Variants in LILRA2 observed in about 807,000 individuals in gnomAD.
LILRA2 encodes the protein leukocyte immunoglobulin like receptor A2.
Under a neutral mutation model 47.9 loss-of-function variants are expected in LILRA2, and 45 were observed. The ratio of observed to expected loss-of-function variants is 0.94; its 90% CI spans 0.74 to 1.20. The LOEUF (loss-of-function observed/expected upper bound fraction) is 1.20, where lower values mean the gene tolerates loss of function less well. Ranked by LOEUF, LILRA2 falls within the 50% of genes most tolerant of loss-of-function variation. LILRA2 has a pLI of 0.00. For synonymous variants in LILRA2, 279 were observed against 249.2 expected (o/e 1.12, Z -1.13); for missense variants, 651 against 598.2 (o/e 1.09, Z -0.92).
At chr19:54,586,043 A>G (rs750083459) in intron 6 of LILRA2, among the ~76,000 whole-genome samples, 1 of 152,072 alleles carries the variant, frequency 6.6e-6, no homozygotes, top group Non-Finnish European at 1.5e-5. Context: ...AATTTCTGGT[A>G]CAATTTTAGA....
At chr19:54,577,785 C>G (rs1261959333) in intron 6 of LILRA2, 2 of 1,048,054 alleles carry the variant, frequency 1.9e-6, no homozygotes, top group East Asian at 1.6e-4. Context: ...TCTGTATGCA[C>G]TTGTCCTTTG....
chr19:54,585,067 C>T (rs542959232), intron 6 of LILRA2, among the ~76,000 whole-genome samples: 7 of 152,168 alleles, frequency 4.6e-5, no homozygotes, highest in Non-Finnish European at 8.8e-5. Flanking sequence ...TGCTGGAGGT[C>T]CAGTCCAGCC....
intron 6 of LILRA2, among the ~76,000 whole-genome samples, chr19:54,582,697 T>C (rs1226459039): frequency 6.6e-6 from 1 of 152,204 alleles, no homozygotes; most frequent in East Asian, 1.9e-4. Flanking sequence ...TAGCGGTCTA[T>C]CAATTTTGTT....
At chr19:54,580,142 AT>A (rs1249152215) in intron 6 of LILRA2, among the ~76,000 whole-genome samples, 1 of 148,318 alleles carries the variant, frequency 6.7e-6, no homozygotes, top group African/African-American at 2.5e-5. Flanking sequence ...TTCCAACACT[AT>A]GTTGAATAGG....
Position 54,574,470 on chromosome 19 carries a change from C to G in LILRA2, c.240C>G (p.Gly80=). ...GGATACAAGAGCCTGGGAAGAATGG[C>G]CAGTTCCCCATCCCATCCATCACCT... ...VRRIQEPGKN[G]QFPIPSITWE... Residue 80 remains glycine, a synonymous_variant, in exon 3 of 8, where the codon GGC becomes GGG. Transcript: ENST00000391738. 6.2e-7 allele frequency: 1 copy of G among 1,614,126 alleles called. No homozygotes were observed. Among genetic ancestry groups the G allele is most frequent in the Non-Finnish European group, 8.5e-7 (1 of 1,180,006 alleles).
At chr19:54,585,038 C>T (rs2062756071) in intron 6 of LILRA2, among the ~76,000 whole-genome samples, 1 of 152,228 alleles carries the variant, frequency 6.6e-6, no homozygotes, top group South Asian at 2.1e-4. Context: ...GACCCCTCAG[C>T]AGCAGGTCTG....
At chr19:54,579,152 C>T (rs963905228) in intron 6 of LILRA2, among the ~76,000 whole-genome samples, 1 of 152,128 alleles carries the variant, frequency 6.6e-6, no homozygotes, top group East Asian at 1.9e-4. Context: ...GGTGCCATTG[C>T]TTGTGGTGTT....
chr19:54,577,617 G>A, intron 6 of LILRA2: 2 of 1,289,734 alleles, frequency 1.6e-6, no homozygotes, highest in South Asian at 1.2e-5. Context: ...CACCCCAGCT[G>A]TGGGTGCCGC....
At position 54,574,725 on chromosome 19, in the gene LILRA2, T is replaced by C. The variant is rs551295349; in HGVS notation, c.353-6T>C. 1.9e-6 allele frequency: 3 copies of C among 1,613,858 alleles called. No homozygotes were observed. The African/African-American group carries it at 4.0e-5, about 21-fold the overall frequency. On this transcript the variant is annotated splice_polypyrimidine_tract_variant and splice_region_variant and intron_variant, in intron 3 of 7. Coordinates refer to ENST00000391738, the MANE Select transcript of LILRA2 (RefSeq NM_001130917.3). ...CCATTTAACACAGTGCCTCCTTCTC[T>C]CCTAGGAGCCTACAGCAAACCCACC...
At position 54,575,312 on chromosome 19, in the gene LILRA2, G is replaced by T. The variant is rs139468214; in HGVS notation, c.712G>T (p.Glu238Ter). ...VQPGPMVAPG[E>*]SLTLQCVSDV... Reference sequence around the variant, plus strand: ...GCCAGGTCCTATGGTGGCCCCTGGGGAGAGCCTGACCCTCCAGTGTGTCTC... The same window carrying T: ...GCCAGGTCCTATGGTGGCCCCTGGGTAGAGCCTGACCCTCCAGTGTGTCTC... The change falls in exon 5 of 8, where the codon GAG becomes TAG. Residue 238 changes from glutamate to a stop codon, truncating the protein, a stop_gained. Transcript: ENST00000391738. LOFTEE classifies it high-confidence loss of function. 23 of 1,613,922 alleles carry T rather than the reference G, an allele frequency of 1.4e-5. No homozygotes were observed. In the Admixed American group the frequency reaches 2.8e-4, roughly 20 times the overall value.
chr19:54,574,446 G>A lies in LILRA2; in HGVS notation c.216G>A (p.Arg72=). Residue 72 remains arginine, a synonymous_variant, in exon 3 of 8, where the codon CGG becomes CGA. Coordinates refer to ENST00000391738, the MANE Select transcript of LILRA2 (RefSeq NM_001130917.3). ...RENKSASWVR[R]IQEPGKNGQF... is the part of the protein sequence containing the mutation. ...ACAAATCAGCATCCTGGGTTAGACG[G>A]ATACAAGAGCCTGGGAAGAATGGCC... 2 of 1,614,080 alleles carry A rather than the reference G, an allele frequency of 1.2e-6. No individual in the cohort carries two copies. Among genetic ancestry groups the A allele is most frequent in the Admixed American group, 1.7e-5 (1 of 60,030 alleles).
At position 54,586,875 on chromosome 19, in the gene LILRA2, AC is replaced by A. The variant is rs374556105; in HGVS notation, c.1256-132del. On this transcript the variant is annotated intron_variant, in intron 6 of 7. Transcript: ENST00000391738. The stretch of plus-strand genomic sequence containing the variant: ...TAATTCAATGAGGAGACTGGAGGGA[AC>A]CCTGCTACAGCAGAGGAAGGGTTTA... The A allele has an allele frequency of 6.8e-3, 3,980 of 584,736 alleles. No homozygotes were observed. The South Asian group carries it at 0.072, about 11-fold the overall frequency. The allele number at this position is 584,736 out of a possible 1,614,324, so 36.2% of individuals were successfully genotyped here.
At chr19:54,574,271 C>G (rs763505527) in intron 2 of LILRA2, 30 bp from the exon 3 acceptor site, 5 of 1,613,886 alleles carry the variant, frequency 3.1e-6, no homozygotes, top group Middle Eastern at 1.7e-4. Flanking sequence ...TGGGAAATGA[C>G]TTAGAATCCG....
At chr19:54,578,019 C>T (rs891189906) in intron 6 of LILRA2, among the ~76,000 whole-genome samples, 8 of 151,776 alleles carry the variant, frequency 5.3e-5, no homozygotes, top group African/African-American at 1.9e-4. Flanking sequence ...GAATTTAAGA[C>T]ATGTTTTGAA....
Position 54,574,371 on chromosome 19 carries a change from C to T in LILRA2, c.141C>T (p.Leu47=). The change falls in exon 3 of 8, where the codon CTC becomes CTT. Residue 47 remains leucine, a synonymous_variant. Coordinates refer to ENST00000391738, the MANE Select transcript of LILRA2 (RefSeq NM_001130917.3). ...SVIIQGSPVT[L]RCQGSLQAEE... is the part of the protein sequence containing the mutation. The stretch of plus-strand genomic sequence containing the variant: ...TCATCCAGGGAAGTCCTGTGACCCT[C>T]AGGTGTCAGGGGAGCCTTCAGGCTG... The T allele has an allele frequency of 6.2e-7, 1 of 1,614,238 alleles. No homozygotes were observed. The highest frequency in any genetic ancestry group is 8.5e-7 in the Non-Finnish European group (1 of 1,180,030).
chr19:54,587,143 A>T (rs1294982279), intron 7 of LILRA2, 58 bp from the exon 8 acceptor site: 13 of 1,611,794 alleles, frequency 8.1e-6, no homozygotes, highest in African/African-American at 1.3e-5. Flanking sequence ...CTGGGTGGAC[A>T]TACAGGAGTC....
chr19:54,590,148 C>A lies in LILRA2; in HGVS notation c.*2802C>A, dbSNP rs1291680677. On this transcript the variant is annotated 3_prime_UTR_variant, in exon 8 of 8. Coordinates refer to ENST00000391738, the MANE Select transcript of LILRA2 (RefSeq NM_001130917.3). ...TAACATACTCCTTATTTCCTTCATT[C>A]TGAAAGTGTGACACATAGAGATATA... 1.3e-5 allele frequency: 2 copies of A among 152,184 alleles called. No individual in the cohort carries two copies. The highest frequency in any genetic ancestry group is 3.8e-4 in the East Asian group (2 of 5,204). 9.4% of individuals were successfully genotyped at this position (152,184 alleles called of 1,614,324 possible). A position where few individuals can be genotyped will look rare whatever the true frequency, so the allele number is the denominator to read the frequency against.
chr19:54,584,103 A>C (rs1381166340), intron 6 of LILRA2, among the ~76,000 whole-genome samples: 1 of 151,918 alleles, frequency 6.6e-6, no homozygotes, highest in Non-Finnish European at 1.5e-5. Context: ...ATTGGCCTCC[A>C]CTCTCTTCTG....
Position 54,588,490 on chromosome 19 carries a change from C to A in LILRA2, c.*1144C>A. 6.6e-6 allele frequency: 1 copy of A among 151,616 alleles called. No individual in the cohort carries two copies. Among genetic ancestry groups the A allele is most frequent in the Non-Finnish European group, 1.5e-5 (1 of 67,934 alleles). 9.4% of individuals were successfully genotyped at this position (151,616 alleles called of 1,614,324 possible). ...GCGTGGTGGTGGGCGCCTGTAGTCC[C>A]AGCTACTCAGGAGGCTGAGGCAGGA... On this transcript the variant is annotated 3_prime_UTR_variant, in exon 8 of 8. Transcript: ENST00000391738.
Sources: gnomAD v4.1 joint callset for allele counts (sites outside exome capture counted in the v4.1 genomes callset) on GRCh38, gnomAD v4.1.1 for gene constraint, MANE v1.5 for transcripts, NCBI Gene and HGNC (gene_info 2026-07-23, HGNC 2026-07-21) for gene names.